STK25: variants seen among roughly 807,000 people sequenced by gnomAD.
The protein encoded by STK25 is serine/threonine kinase 25.
STK25 carries 29 observed loss-of-function variants against 53.8 expected under a neutral mutation model. The observed-to-expected ratio is 0.54, with a 90% CI of 0.40 to 0.74. The LOEUF (loss-of-function observed/expected upper bound fraction) is 0.74. STK25 is among the 30% of genes least tolerant of loss of function. The probability of loss-of-function intolerance (pLI) is 0.00; values close to 1 mark genes in which losing one functional copy is unlikely to be tolerated. For missense variants in STK25, 420 were observed against 568.0 expected, an observed-to-expected ratio of 0.74 and a Z score of 2.65; for synonymous variants, 247 against 238.3, an observed-to-expected ratio of 1.04 and a Z score of -0.33.
Position 241,498,286 on chromosome 2 carries a change from C to T in STK25, c.981G>A (p.Pro327=), listed in dbSNP as rs142478352. Residue 327 remains proline (P), a synonymous_variant, in exon 9 of 12, where the codon CCG becomes CCA. Coordinates refer to ENST00000316586, the MANE Select transcript of STK25 (RefSeq NM_001271977.2). ...PIWTFPPTIR[P]SPHSKLHKGT... is the part of the protein sequence containing the mutation. ...CCTTGTGAAGCTTGCTGTGTGGACTCGGCCGGATGGTAGGGGGGAACGTCC... is the reference window on the plus strand; with the variant it reads ...CCTTGTGAAGCTTGCTGTGTGGACTTGGCCGGATGGTAGGGGGGAACGTCC... 37 of 1,606,776 alleles carry T rather than the reference C, an allele frequency of 2.3e-5. No individual in the cohort carries two copies. In the Middle Eastern group the frequency reaches 5.0e-4, roughly 22 times the overall value.
At chr2:241,504,909 C>T (rs1298381699) in intron 2 of STK25, among the ~76,000 whole-genome samples, 1 of 149,506 alleles carries the variant, frequency 6.7e-6, no homozygotes, top group Non-Finnish European at 1.5e-5. Flanking sequence ...TAAGAAGCAG[C>T]CCCTCTTCTT....
At chr2:241,500,330 A>C (rs376566112) in intron 4 of STK25, 49 bp from the exon 5 acceptor site, 54 of 1,335,922 alleles carry the variant, frequency 4.0e-5, no homozygotes, top group East Asian at 1.4e-4. Context: ...TCCCAGGCCC[A>C]ATGCCTGAGT....
rs2065060095 is a variant in STK25 at position 241,494,769 on chromosome 2, C to T, written c.*893G>A. On this transcript the variant is annotated 3_prime_UTR_variant, in exon 12 of 12. Transcript: ENST00000316586. The surrounding 1 kb of genome is among the most constrained non-coding windows in gnomAD (Gnocchi z 4.9). ...AATTTATTACTGCCCAGCATTCCTT[C>T]CAACGGGAAGTAGATGGGCGACTGC... 1 of 152,240 alleles carries T rather than the reference C, an allele frequency of 6.6e-6. No individual in the cohort carries two copies. Among genetic ancestry groups the T allele is most frequent in the African/African-American group, 2.4e-5 (1 of 41,446 alleles). The allele number at this position is 152,240 out of a possible 1,614,324, so 9.4% of individuals were successfully genotyped here. A position where few individuals can be genotyped will look rare whatever the true frequency, so the allele number is the denominator to read the frequency against.
At chr2:241,506,331 C>T (rs538952090) in intron 2 of STK25, among the ~76,000 whole-genome samples, 1 of 152,362 alleles carries the variant, frequency 6.6e-6, no homozygotes, top group South Asian at 2.1e-4. Context: ...AGCTTCCTAC[C>T]TTTGGAATCC....
rs1164005960 is a variant in STK25, at chr2:241,508,012, G to A, written c.24C>T (p.Ala8=). 7 of 1,603,694 alleles carry A rather than the reference G, an allele frequency of 4.4e-6. No homozygotes were observed. The African/African-American group carries it at 5.4e-5, about 12-fold the overall frequency. The change falls in exon 2 of 12, where the codon GCC becomes GCT. Residue 8 remains alanine, a synonymous_variant. Coordinates refer to ENST00000316586, the MANE Select transcript of STK25 (RefSeq NM_001271977.2). MAHLRGF[A]NQHSRVDPEE... ...TGACCTGCACCCTTCTCACCTGGTTGGCAAATCCCCGGAGGTGAGCCATGG... is the reference window on the plus strand; with the variant it reads ...TGACCTGCACCCTTCTCACCTGGTTAGCAAATCCCCGGAGGTGAGCCATGG...
intron 2 of STK25, among the ~76,000 whole-genome samples, chr2:241,504,958 C>T (rs1185049342): frequency 1.5e-4 from 22 of 151,112 alleles, no homozygotes; most frequent in African/African-American, 5.1e-4. Context: ...ACTCTGTTGC[C>T]CAGGCTGGAG....
chr2:241,508,212 G>T, intron 1 of STK25, 77 bp from the exon 2 acceptor site: 4 of 1,348,010 alleles, frequency 3.0e-6, no homozygotes, highest in Non-Finnish European at 3.8e-6. Context: ...GGCTCCATGG[G>T]TGGGGGGGGG....
Position 241,508,094 on chromosome 2 carries a change from G to A in STK25, c.-59C>T, listed in dbSNP as rs1003305218. On this transcript the variant is annotated 5_prime_UTR_variant, in exon 2 of 12. Transcript: ENST00000316586. ...CCAGGAGGCGTCTGGATCCCGCGGA[G>A]AGGCGCGGAGCCGGCTAGCTCGCCC... The A allele has an allele frequency of 9.0e-6, 14 of 1,558,416 alleles. No individual in the cohort carries two copies. Among genetic ancestry groups the A allele is most frequent in the Admixed American group, 5.8e-5 (3 of 51,670 alleles).
chr2:241,493,995 C>T lies in STK25; in HGVS notation c.*1667G>A, dbSNP rs372810266. 3.6e-6 allele frequency: 5 copies of T among 1,372,176 alleles called. No individual in the cohort carries two copies. In the African/African-American group the frequency reaches 4.5e-5, roughly 12 times the overall value. The allele number at this position is 1,372,176 out of a possible 1,614,324, so 85.0% of individuals were successfully genotyped here. A position where few individuals can be genotyped will look rare whatever the true frequency, so the allele number is the denominator to read the frequency against. On this transcript the variant is annotated 3_prime_UTR_variant, in exon 12 of 12. Coordinates refer to ENST00000316586, the MANE Select transcript of STK25 (RefSeq NM_001271977.2). ...AGATGGCTCACTGGTCTGATGGCCG[C>T]CCTCTCCTCCAGGTGGATGGAGGTG...
Position 241,496,564 on chromosome 2 carries a change from G to A in STK25, c.1105-30C>T. The stretch of plus-strand genomic sequence containing the variant: ...GAAAAGACCACCACGCCTGACCCTG[G>A]ACCCCAGGACAGGCCTTCAGGGAGC... On this transcript the variant is annotated intron_variant, in intron 10 of 11. Coordinates refer to ENST00000316586, the MANE Select transcript of STK25 (RefSeq NM_001271977.2). The surrounding 1 kb of genome is among the most constrained non-coding windows in gnomAD (Gnocchi z 5.8). The A allele has an allele frequency of 5.0e-6, 8 of 1,602,274 alleles. No individual in the cohort carries two copies. The highest frequency in any genetic ancestry group is 4.3e-6 in the Non-Finnish European group (5 of 1,171,850).
In STK25 at chr2:241,501,983, C is replaced by T. The variant is rs927654529; in HGVS notation, c.31-275G>A. 4.3e-5 allele frequency: 16 copies of T among 369,346 alleles called. No homozygotes were observed. Among genetic ancestry groups the T allele is most frequent in the Non-Finnish European group, 7.2e-5 (14 of 194,244 alleles). 22.9% of individuals were successfully genotyped at this position (369,346 alleles called of 1,614,324 possible). ...AGGAGTTCGAGACCAGCCTGGCCAG[C>T]ATGGTGAAACCCCATCTCTAATACA... On this transcript the variant is annotated intron_variant, in intron 2 of 11. Transcript: ENST00000316586. The surrounding 1 kb of genome is among the most constrained non-coding windows in gnomAD (Gnocchi z 5.3).
chr2:241,493,520 T>G lies in STK25; in HGVS notation c.*2142A>C. The G allele has an allele frequency of 7.0e-7, 1 of 1,421,042 alleles. No individual in the cohort carries two copies. The highest frequency in any genetic ancestry group is 1.2e-5 in the South Asian group (1 of 84,934). The allele number at this position is 1,421,042 out of a possible 1,614,324, so 88.0% of individuals were successfully genotyped here. ...CAGCTCCCATTTCTACTCATGGTGG[T>G]GGAGGCAAGTTTTCTGGGCCCTGGA... is the stretch of plus-strand genomic sequence containing the variant. On this transcript the variant is annotated 3_prime_UTR_variant, in exon 12 of 12. Transcript: ENST00000316586.
chr2:241,509,516 A>C (rs1394878344), upstream of STK25: 2 of 151,586 alleles, frequency 1.3e-5, no homozygotes, highest in African/African-American at 2.4e-5. Context: ...ACAGGCCCTC[A>C]CTCTCCATGA....
intron 2 of STK25, among the ~76,000 whole-genome samples, chr2:241,502,444 A>G (rs1462937182): frequency 6.6e-6 from 1 of 152,106 alleles, no homozygotes; most frequent in Admixed American, 6.5e-5. Context: ...TTACTAAAAA[A>G]TAAACTCATC....
intron 2 of STK25, among the ~76,000 whole-genome samples, chr2:241,506,748 C>T (rs2065854412): frequency 1.3e-5 from 2 of 152,224 alleles, no homozygotes; most frequent in South Asian, 2.1e-4. Flanking sequence ...ACCTGGGCAA[C>T]AAAAGCGAAA....
At position 241,507,127 on chromosome 2, in the gene STK25, C is replaced by G. The variant is rs532591989; in HGVS notation, c.30+879G>C. Among the ~76,000 whole-genome samples the G allele has an allele frequency of 3.9e-5, 6 of 152,322 alleles. No individual in the cohort carries two copies. The South Asian group carries it at 1.2e-3, about 32-fold the overall frequency. On this transcript the variant is annotated intron_variant, in intron 2 of 11. Coordinates refer to ENST00000316586, the MANE Select transcript of STK25 (RefSeq NM_001271977.2). ...CACATTTTAGCGGCGATTCCAACGC[C>G]TTAGGTAGAGCCAAGGCATCAAGGA...
Position 241,495,592 on chromosome 2 carries a change from A to T in STK25, c.*70T>A. The T allele has an allele frequency of 6.4e-7, 1 of 1,571,892 alleles. No individual in the cohort carries two copies. The highest frequency in any genetic ancestry group is 8.8e-7 in the Non-Finnish European group (1 of 1,141,632). ...CATAGCACAGGGCACCTTCCAAGTC[A>T]GCACAGTTCTTATGGAGCTCAGAAC... On this transcript the variant is annotated 3_prime_UTR_variant, in exon 12 of 12. Transcript: ENST00000316586.
Position 241,496,105 on chromosome 2 carries a change from G to A in STK25, c.1241+293C>T, listed in dbSNP as rs1371999534. 1.3e-5 allele frequency among the ~76,000 whole-genome samples: 2 copies of A among 152,140 alleles called. No homozygotes were observed. Among genetic ancestry groups the A allele is most frequent in the African/African-American group, 4.8e-5 (2 of 41,442 alleles). ...GCTCCCGGGAGCCACCAGGTGGAGGGGCAGAGGCCAGCTGAGGACAGCCAT... is the reference window on the plus strand; with the variant it reads ...GCTCCCGGGAGCCACCAGGTGGAGGAGCAGAGGCCAGCTGAGGACAGCCAT... On this transcript the variant is annotated intron_variant, in intron 11 of 11. Coordinates refer to ENST00000316586, the MANE Select transcript of STK25 (RefSeq NM_001271977.2). The surrounding 1 kb of genome is among the most constrained non-coding windows in gnomAD (Gnocchi z 5.8).
intron 2 of STK25, among the ~76,000 whole-genome samples, chr2:241,507,176 G>A (rs936559748): frequency 2.0e-5 from 3 of 152,236 alleles, no homozygotes; most frequent in African/African-American, 7.2e-5. Flanking sequence ...CAGCTAAGAT[G>A]TAAGAAAACC....
Sources: allele counts gnomAD v4.1 joint callset (sites outside exome capture counted in the v4.1 genomes callset), GRCh38; gene constraint gnomAD v4.1.1; non-coding constraint Gnocchi (gnomAD v3.1); transcripts MANE v1.5; gene names NCBI Gene and HGNC (gene_info 2026-07-23, HGNC 2026-07-21).